The following FBXL17 variants were observed in gnomAD, a reference collection of about 807,000 sequenced individuals.
The protein encoded by FBXL17 is F-box and leucine rich repeat protein 17, also known as F-box/LRR-repeat protein 17.
A neutral mutation model predicts 66.2 loss-of-function variants in FBXL17; 22 were observed. That is an observed-to-expected ratio of 0.33 (90% CI 0.24 to 0.47). The LOEUF is 0.47. Among genes scored for constraint, FBXL17 ranks in the 20% least tolerant of loss-of-function variants. FBXL17 has a pLI of 1.00. For missense variants in FBXL17, 878 were observed against 948.2 expected, an observed-to-expected ratio of 0.93 and a Z score of 0.97; for synonymous variants, 474 against 400.5, an observed-to-expected ratio of 1.18 and a Z score of -2.19.
At chr5:108,166,113 G>A (rs1331174293) in intron 6 of FBXL17, among the ~76,000 whole-genome samples, 3 of 152,068 alleles carry the variant, frequency 2.0e-5, no homozygotes, top group Non-Finnish European at 4.4e-5. Context: ...CTGACATTGA[G>A]GTATATATAT....
intron 7 of FBXL17, among the ~76,000 whole-genome samples, chr5:107,981,374 G>A (rs1011029254): frequency 2.6e-5 from 4 of 152,250 alleles, no homozygotes; most frequent in African/African-American, 7.2e-5. Flanking sequence ...TCACGGATAT[G>A]CCTAGGAGGA....
chr5:107,930,479 T>C (rs1750693506), intron 7 of FBXL17, among the ~76,000 whole-genome samples: 1 of 152,226 alleles, frequency 6.6e-6, no homozygotes, highest in Non-Finnish European at 1.5e-5. Context: ...TGTCACAAAG[T>C]CTTGTAAATT....
rs560508186 is a variant in FBXL17, at chr5:108,363,102, T to C, written c.1374+1636A>G. ...CTGTCAGTTTACTAAAACCATAATA[T>C]AAATCCATATTCGGATTTATGAAAT... On this transcript the variant is annotated intron_variant, in intron 3 of 8. Coordinates refer to ENST00000542267, the MANE Select transcript of FBXL17 (RefSeq NM_001163315.3). 4.6e-5 allele frequency among the ~76,000 whole-genome samples: 7 copies of C among 152,132 alleles called. No homozygotes were observed. In the East Asian group the frequency reaches 1.4e-3, roughly 29 times the overall value.
chr5:108,068,510 C>T (rs1748201393), intron 6 of FBXL17, among the ~76,000 whole-genome samples: 1 of 151,640 alleles, frequency 6.6e-6, no homozygotes, highest in South Asian at 2.1e-4. Context: ...GGCTGGAGTG[C>T]AGTGGCGCAA....
At chr5:108,170,272 C>T (rs1355283698) in intron 6 of FBXL17, among the ~76,000 whole-genome samples, 1 of 152,060 alleles carries the variant, frequency 6.6e-6, no homozygotes, top group East Asian at 1.9e-4. Flanking sequence ...GGAGGAAATG[C>T]TCCCAGACAT....
chr5:108,059,071 G>T (rs565988326), intron 6 of FBXL17, among the ~76,000 whole-genome samples: 2 of 152,102 alleles, frequency 1.3e-5, no homozygotes, highest in African/African-American at 2.4e-5. Context: ...CGGAACAAAG[G>T]CTCGTTTCAC....
chr5:107,985,773 T>C (rs1309863159), intron 7 of FBXL17, among the ~76,000 whole-genome samples: 1 of 152,182 alleles, frequency 6.6e-6, no homozygotes, highest in Non-Finnish European at 1.5e-5. Flanking sequence ...AGGCAAATGG[T>C]CAACTATTTA....
At chr5:107,973,030 G>A (rs1383690411) in intron 7 of FBXL17, among the ~76,000 whole-genome samples, 4 of 152,144 alleles carry the variant, frequency 2.6e-5, no homozygotes, top group Non-Finnish European at 4.4e-5. Context: ...AGAGGGCCTG[G>A]CACCCACACT....
At position 108,368,540 on chromosome 5, in the gene FBXL17, C is replaced by T. The variant is rs148176462; in HGVS notation, c.994-587G>A. 4.6e-5 allele frequency among the ~76,000 whole-genome samples: 7 copies of T among 151,890 alleles called. No homozygotes were observed. In the East Asian group the frequency reaches 1.4e-3, roughly 29 times the overall value. On this transcript the variant is annotated intron_variant, in intron 1 of 8. Coordinates refer to ENST00000542267, the MANE Select transcript of FBXL17 (RefSeq NM_001163315.3). ...TTCTACAAAATACTGGATCAAAACT[C>T]CTCAAAAAATTCAAGGTCATGAAAA...
At chr5:108,331,010 G>A (rs974558092) in intron 4 of FBXL17, among the ~76,000 whole-genome samples, 12 of 151,996 alleles carry the variant, frequency 7.9e-5, no homozygotes, top group Admixed American at 3.3e-4. Context: ...CCGAGACTGC[G>A]CCACTGCACT....
At chr5:107,899,226 A>G (rs1749485697) in intron 7 of FBXL17, among the ~76,000 whole-genome samples, 1 of 152,104 alleles carries the variant, frequency 6.6e-6, no homozygotes, top group Non-Finnish European at 1.5e-5. Flanking sequence ...ACTTTTCTCT[A>G]TTTACTTCAT....
At chr5:108,244,833 CT>C (rs1338525638) in intron 4 of FBXL17, among the ~76,000 whole-genome samples, 11 of 152,110 alleles carry the variant, frequency 7.2e-5, no homozygotes, top group Admixed American at 7.2e-4. Context: ...ACAAGTTTAA[CT>C]GTATATAACA....
chr5:108,141,186 GA>G (rs1230478385), intron 6 of FBXL17, among the ~76,000 whole-genome samples: 1 of 152,070 alleles, frequency 6.6e-6, no homozygotes, highest in Non-Finnish European at 1.5e-5. Context: ...GTCTGCCCAG[GA>G]TGGATTATCT....
chr5:108,368,957 C>G (rs1206220848), intron 1 of FBXL17, among the ~76,000 whole-genome samples: 1 of 149,190 alleles, frequency 6.7e-6, no homozygotes, highest in Non-Finnish European at 1.5e-5. Flanking sequence ...CACAATTTGA[C>G]CAAAAGGAAA....
chr5:107,984,007 C>T (rs1323920367), intron 7 of FBXL17, among the ~76,000 whole-genome samples: 1 of 152,014 alleles, frequency 6.6e-6, no homozygotes, highest in Admixed American at 6.6e-5. Context: ...CAAGTCTGCT[C>T]CTCAAACATA....
intron 6 of FBXL17, among the ~76,000 whole-genome samples, chr5:108,120,765 C>T (rs1341535518): frequency 6.6e-6 from 1 of 151,702 alleles, no homozygotes; most frequent in African/African-American, 2.4e-5. Context: ...CCCAGGAGTT[C>T]GAGGTTGCAG....
intron 6 of FBXL17, among the ~76,000 whole-genome samples, chr5:108,022,096 CAT>C (rs1033214126): frequency 1.8e-4 from 27 of 151,810 alleles, no homozygotes; most frequent in African/African-American, 5.6e-4. Flanking sequence ...ATAGAGAAGA[CAT>C]ATATGTTTTT....
At chr5:108,089,218 CGAGCCAGTTAGA>C (rs1265197434) in intron 6 of FBXL17, among the ~76,000 whole-genome samples, 1 of 152,162 alleles carries the variant, frequency 6.6e-6, no homozygotes, top group Non-Finnish European at 1.5e-5. Flanking sequence ...ACTGGTCTTG[CGAGCCAGTTAGA>C]ATTTGTGCCC....
chr5:108,317,571 C>G (rs1759428504), intron 4 of FBXL17, among the ~76,000 whole-genome samples: 1 of 150,820 alleles, frequency 6.6e-6, no homozygotes. Context: ...AATTAATAAT[C>G]TGCTAAAAAT....
Sources: allele counts gnomAD v4.1 joint callset (sites outside exome capture counted in the v4.1 genomes callset), GRCh38; gene constraint gnomAD v4.1.1; transcripts MANE v1.5; gene names NCBI Gene and HGNC (gene_info 2026-07-23, HGNC 2026-07-21).